The following CAPSL variants were observed in gnomAD, a reference collection of about 807,000 sequenced individuals.
CAPSL encodes the protein calcyphosine like.
A neutral mutation model predicts 21.3 loss-of-function variants in CAPSL; 17 were observed. That is an observed-to-expected ratio of 0.80 (90% CI 0.55 to 1.20). The LOEUF (loss-of-function observed/expected upper bound fraction) is 1.20, where lower values mean the gene tolerates loss of function less well. Ranked by LOEUF, CAPSL falls within the 50% of genes most tolerant of loss-of-function variation. The pLI, the probability that CAPSL is intolerant of heterozygous loss-of-function variation, is 0.00. For synonymous variants in CAPSL, 102 were observed against 89.3 expected (o/e 1.14, Z -0.80); for missense variants, 289 against 259.3 (o/e 1.11, Z -0.79).
intron 1 of CAPSL, among the ~76,000 whole-genome samples, chr5:35,936,377 G>A (rs1738947178): frequency 6.6e-6 from 1 of 152,020 alleles, no homozygotes; most frequent in South Asian, 2.1e-4. Flanking sequence ...AATCCGCTGT[G>A]GTCCCTCAGT....
intron 2 of CAPSL, among the ~76,000 whole-genome samples, chr5:35,913,253 G>A (rs536771246): frequency 6.6e-6 from 1 of 152,104 alleles, no homozygotes; most frequent in Non-Finnish European, 1.5e-5. Context: ...GAAAGTGATG[G>A]GGAGAAAGGA....
intron 1 of CAPSL, among the ~76,000 whole-genome samples, chr5:35,934,836 T>C (rs1738904256): frequency 6.6e-6 from 1 of 152,230 alleles, no homozygotes; most frequent in Non-Finnish European, 1.5e-5. Context: ...TAAACTCTTT[T>C]CTGTTACTAC....
intron 1 of CAPSL, among the ~76,000 whole-genome samples, chr5:35,932,609 A>G (rs1382976038): frequency 1.3e-5 from 2 of 152,252 alleles, no homozygotes; most frequent in African/African-American, 4.8e-5. Context: ...AAAAGAAGAC[A>G]GTGGCTATTG....
rs192271444 is a variant in CAPSL, at chr5:35,912,961, A to C, written c.138-2418T>G. On this transcript the variant is annotated intron_variant, in intron 2 of 4. Coordinates refer to ENST00000651391, the MANE Select transcript of CAPSL (RefSeq NM_001042625.2). ...TGGCAAAGAAGTTAAAAACCTTGAA[A>C]AAAAAATTAGATGAACGTCTAACTA... Among the ~76,000 whole-genome samples the C allele has an allele frequency of 1.1e-4, 17 of 152,334 alleles. No individual in the cohort carries two copies. In the East Asian group the frequency reaches 1.5e-3, roughly 14 times the overall value.
chr5:35,906,552 T>G (rs1444524089), intron 4 of CAPSL, among the ~76,000 whole-genome samples: 1 of 152,128 alleles, frequency 6.6e-6, no homozygotes, highest in Non-Finnish European at 1.5e-5. Flanking sequence ...CTTGAGATCA[T>G]GAAGGAAAGG....
At chr5:35,917,879 T>TA (rs1226807641) in intron 2 of CAPSL, among the ~76,000 whole-genome samples, 7 of 151,552 alleles carry the variant, frequency 4.6e-5, no homozygotes, top group African/African-American at 1.5e-4. Context: ...TAATAAAATT[T>TA]TAAAAAAAAG....
At chr5:35,924,114 A>G (rs1313451663) in intron 1 of CAPSL, among the ~76,000 whole-genome samples, 2 of 152,230 alleles carry the variant, frequency 1.3e-5, no homozygotes, top group African/African-American at 4.8e-5. Flanking sequence ...AGTTACTACT[A>G]TTATTGGTAT....
At chr5:35,930,815 C>T (rs700175) in intron 1 of CAPSL, among the ~76,000 whole-genome samples, 31,493 of 152,142 alleles carry the variant, frequency 0.21, 4,570 homozygotes, top group East Asian at 0.63. Flanking sequence ...TTTCTCTGCC[C>T]TATTCCACTT....
intron 3 of CAPSL, 131 bp from the exon 4 acceptor site, chr5:35,910,206 C>G: frequency 9.3e-7 from 1 of 1,075,992 alleles, no homozygotes; most frequent in South Asian, 1.6e-5. Flanking sequence ...GTAATAGACA[C>G]TACAATTGCT....
rs539642491 is a variant in CAPSL, at chr5:35,910,488, T to C, written c.193A>G (p.Met65Val). ...ACAGCATAATCATTTAACCCTTTCA[T>C]AAATTCTTTAAAATCAAGGGTTCGA... ...NNRTLDFKEF[M>V]KGLNDYAVVM... The change falls in exon 3 of 5, where the codon ATG becomes GTG. Residue 65 changes from methionine to valine, a missense_variant. Physicochemically the swap from Met to Val is conservative, Grantham distance 21. Transcript: ENST00000651391. The C allele has an allele frequency of 1.2e-5, 20 of 1,612,802 alleles. No homozygotes were observed. In the South Asian group the frequency reaches 2.2e-4, roughly 18 times the overall value.
chr5:35,928,483 C>T (rs767828988), intron 1 of CAPSL, among the ~76,000 whole-genome samples: 2 of 152,238 alleles, frequency 1.3e-5, no homozygotes, highest in Non-Finnish European at 2.9e-5. Flanking sequence ...TTGTTGACAT[C>T]GTGAGAGTTA....
chr5:35,933,633 A>G (rs529006572), intron 1 of CAPSL, among the ~76,000 whole-genome samples: 1 of 152,156 alleles, frequency 6.6e-6, no homozygotes, highest in Non-Finnish European at 1.5e-5. Flanking sequence ...GTTACTGAAG[A>G]GCATTTGCCT....
In CAPSL at chr5:35,924,929, C is replaced by T. The variant is rs574357209; in HGVS notation, c.1-3809G>A. Among the ~76,000 whole-genome samples the T allele has an allele frequency of 2.0e-3, 302 of 152,264 alleles. 2 individuals are homozygous for T. The highest frequency in any genetic ancestry group is 7.1e-3 in the African/African-American group (293 of 41,534). On this transcript the variant is annotated intron_variant, in intron 1 of 4. Coordinates refer to ENST00000651391, the MANE Select transcript of CAPSL (RefSeq NM_001042625.2). ...CCAGGCACCAGGGCAAGAGTCAGTC[C>T]CCAAACATATGTCACCGACTTCATA...
intron 2 of CAPSL, among the ~76,000 whole-genome samples, chr5:35,915,390 G>A (rs188729977): frequency 1.4e-3 from 208 of 152,040 alleles, no homozygotes; most frequent in South Asian, 2.9e-3. Flanking sequence ...TACCACAGCC[G>A]GACAGAGACA....
In CAPSL at chr5:35,919,170, A is replaced by AAAATATAT. The variant is rs754098152; in HGVS notation, c.137+1813_137+1814insATATATTT. Among the ~76,000 whole-genome samples the AAAATATAT allele has an allele frequency of 4.5e-3, 542 of 121,252 alleles. 3 individuals are homozygous for AAAATATAT. Among genetic ancestry groups the AAAATATAT allele is most frequent in the South Asian group, 8.4e-3 (32 of 3,812 alleles). The allele number at this position is 121,252 out of a possible 152,430, so 79.5% of individuals were successfully genotyped here. On this transcript the variant is annotated intron_variant, in intron 2 of 4. Coordinates refer to ENST00000651391, the MANE Select transcript of CAPSL (RefSeq NM_001042625.2). ...AGTATCTTTCCTGATTAAAAAAAAA[A>AAAATATAT]ATATATATATATATATATATAAAAA...
chr5:35,906,558 A>G (rs1186304957), intron 4 of CAPSL, among the ~76,000 whole-genome samples: 1 of 152,212 alleles, frequency 6.6e-6, no homozygotes. Context: ...ATCATGAAGG[A>G]AAGGCCAGGA....
chr5:35,925,759 A>G (rs1358183813), intron 1 of CAPSL, among the ~76,000 whole-genome samples: 1 of 151,930 alleles, frequency 6.6e-6, no homozygotes, highest in Non-Finnish European at 1.5e-5. Context: ...AAAGGGAAAA[A>G]GTCTTCTTAA....
chr5:35,915,208 G>A (rs1221023974), intron 2 of CAPSL, among the ~76,000 whole-genome samples: 1 of 152,168 alleles, frequency 6.6e-6, no homozygotes, highest in Non-Finnish European at 1.5e-5. Context: ...TGAAATTGAG[G>A]CAATAATTAA....
Position 35,911,146 on chromosome 5 carries a change from T to G in CAPSL, c.138-603A>C, listed in dbSNP as rs561867139. ...AAATAAATGATAGAGTAAATAAAGATGAAGAAAATGACAAATTTCTCTTGC... is the reference window on the plus strand; with the variant it reads ...AAATAAATGATAGAGTAAATAAAGAGGAAGAAAATGACAAATTTCTCTTGC... On this transcript the variant is annotated intron_variant, in intron 2 of 4. Transcript: ENST00000651391. Among the ~76,000 whole-genome samples, 4 of 152,248 alleles carry G rather than the reference T, an allele frequency of 2.6e-5. No homozygotes were observed. In the East Asian group the frequency reaches 7.7e-4, roughly 29 times the overall value.
Sources: gnomAD v4.1 joint callset for allele counts (sites outside exome capture counted in the v4.1 genomes callset) on GRCh38, gnomAD v4.1.1 for gene constraint, MANE v1.5 for transcripts, NCBI Gene and HGNC (gene_info 2026-07-23, HGNC 2026-07-21) for gene names.